The following FANCE variants were observed in gnomAD, a reference collection of about 807,000 sequenced individuals.
FANCE encodes the protein Fanconi anemia group E protein.
Under a neutral mutation model 57.8 loss-of-function variants are expected in FANCE, and 42 were observed. The observed-to-expected ratio is 0.73, with a 90% CI of 0.57 to 0.94. FANCE has a LOEUF of 0.94. Among genes scored for constraint, FANCE ranks in the 40% least tolerant of loss-of-function variants. The pLI, the probability that FANCE is intolerant of heterozygous loss-of-function variation, is 0.00. For synonymous variants in FANCE, 251 were observed against 286.4 expected, an observed-to-expected ratio of 0.88 and a Z score of 1.25; for missense variants, 608 against 661.8, an observed-to-expected ratio of 0.92 and a Z score of 0.89.
intron 9 of FANCE, 84 bp from the exon 10 acceptor site, chr6:35,466,156 CCTCT>C (rs1323310742): frequency 2.0e-5 from 17 of 840,758 alleles, no homozygotes; most frequent in Non-Finnish European, 3.1e-5. Context: ...CTCCTGGCCT[CCTCT>C]CTCCTCAATA....
intron 1 of FANCE, among the ~76,000 whole-genome samples, chr6:35,454,618 A>G (rs1767251433): frequency 1.3e-5 from 2 of 152,186 alleles, no homozygotes; most frequent in Non-Finnish European, 2.9e-5. Flanking sequence ...AGATGGTTAC[A>G]TTGCATCATG....
rs1457521862 is a variant in FANCE at position 35,459,348 on chromosome 6, C to A, written c.1131C>A (p.Ser377=). 2 of 1,613,938 alleles carry A rather than the reference C, an allele frequency of 1.2e-6. No individual in the cohort carries two copies. The highest frequency in any genetic ancestry group is 4.5e-5 in the East Asian group (2 of 44,894). ...LFLGRILSLT[S]SASRLLTTAL... is the part of the protein sequence containing the mutation. ...GGCTGTAGATCCTCTCCTTGACTTC[C>A]TCAGCCTCCCGCCTGCTTACAACTG... Residue 377 remains serine (S), a synonymous_variant, in exon 6 of 10, where the codon TCC becomes TCA. Coordinates refer to ENST00000229769, the MANE Select transcript of FANCE (RefSeq NM_021922.3).
In FANCE at chr6:35,459,433, G is replaced by A; in HGVS notation, c.1216G>A (p.Val406Met). 6.2e-7 allele frequency: 1 copy of A among 1,614,048 alleles called. No homozygotes were observed. Residue 406 changes from valine (V) to methionine (M), a missense_variant, in exon 6 of 10, where the codon GTG becomes ATG. Coordinates refer to ENST00000229769, the MANE Select transcript of FANCE (RefSeq NM_021922.3). The stretch of plus-strand genomic sequence containing the variant: ...TGTCTGCAGCGCCCTCCTTGACCCT[G>A]TGCTCCAGGCCCCAGGCACAGGTAA... ...YPVCSALLDP[V>M]LQAPGTGPAQ...
chr6:35,466,449 T>C lies in FANCE; in HGVS notation c.*104T>C. 1.2e-6 allele frequency: 1 copy of C among 821,156 alleles called. No individual in the cohort carries two copies. The highest frequency in any genetic ancestry group is 2.1e-6 in the Non-Finnish European group (1 of 470,548). The allele number at this position is 821,156 out of a possible 1,614,324, so 50.9% of individuals were successfully genotyped here. A position where few individuals can be genotyped will look rare whatever the true frequency, so the allele number is the denominator to read the frequency against. ...TGAGCCCTAGCCTGAGGATAAAGGC[T>C]GAGCCTGGCCATCCCAGATTGCAAC... On this transcript the variant is annotated 3_prime_UTR_variant, in exon 10 of 10. Transcript: ENST00000229769.
At chr6:35,458,683 AG>A (rs1023985971) in intron 5 of FANCE, among the ~76,000 whole-genome samples, 7 of 149,668 alleles carry the variant, frequency 4.7e-5, no homozygotes, top group Non-Finnish European at 1.0e-4. Context: ...TCTGTTGCCT[AG>A]GCTGGAGTGC....
intron 9 of FANCE, among the ~76,000 whole-genome samples, chr6:35,465,938 A>G (rs2150905173): frequency 6.6e-6 from 1 of 152,346 alleles, no homozygotes; most frequent in Admixed American, 6.5e-5. Context: ...TATATACAGC[A>G]ATGCATATAT....
At chr6:35,458,159 C>T (rs1561791386) in intron 4 of FANCE, 138 bp from the exon 5 acceptor site, 1 of 1,343,556 alleles carries the variant, frequency 7.4e-7, no homozygotes, top group African/African-American at 1.4e-5. Context: ...GTTCCTTCCC[C>T]TAGGGCAGCT....
chr6:35,459,853 A>AGAGAAGGTAAG, intron 7 of FANCE, 93 bp downstream of exon 7: 1 of 1,083,546 alleles, frequency 9.2e-7, no homozygotes, highest in Non-Finnish European at 1.4e-6. Flanking sequence ...GGGAAGGCTT[A>AGAGAAGGTAAG]CCTTCTCTAG....
intron 5 of FANCE, 42 bp downstream of exon 5, chr6:35,458,482 G>A: frequency 6.2e-7 from 1 of 1,611,674 alleles, no homozygotes; most frequent in Non-Finnish European, 8.5e-7. Flanking sequence ...AGGACAATGG[G>A]GAAGAGCAAC....
intron 2 of FANCE, among the ~76,000 whole-genome samples, chr6:35,457,089 T>G (rs1767373659): frequency 6.6e-6 from 1 of 152,138 alleles, no homozygotes; most frequent in South Asian, 2.1e-4. Context: ...GTTTGGGTTC[T>G]TAGGCACTTT....
At chr6:35,460,440 G>T (rs943804055) in intron 7 of FANCE, 112 bp from the exon 8 acceptor site, 3 of 1,054,220 alleles carry the variant, frequency 2.8e-6, no homozygotes, top group Non-Finnish European at 4.4e-6. Context: ...TGTTGGCTGG[G>T]GATCTTGGCT....
chr6:35,466,471 C>A lies in FANCE; in HGVS notation c.*126C>A. The A allele has an allele frequency of 1.4e-6, 1 of 736,526 alleles. No individual in the cohort carries two copies. 45.6% of individuals were successfully genotyped at this position (736,526 alleles called of 1,614,324 possible). On this transcript the variant is annotated 3_prime_UTR_variant, in exon 10 of 10. Coordinates refer to ENST00000229769, the MANE Select transcript of FANCE (RefSeq NM_021922.3). Reference sequence around the variant, plus strand: ...GGCTGAGCCTGGCCATCCCAGATTGCAACTGCCTCCCTGTTACAGGCTGCA... The same window carrying A: ...GGCTGAGCCTGGCCATCCCAGATTGAAACTGCCTCCCTGTTACAGGCTGCA...
intron 9 of FANCE, among the ~76,000 whole-genome samples, chr6:35,464,956 G>A (rs377717679): frequency 1.1e-4 from 16 of 150,420 alleles, no homozygotes; most frequent in African/African-American, 3.4e-4. Context: ...GGATGGTCTC[G>A]ATCTCCTGAC....
At position 35,452,339 on chromosome 6, in the gene FANCE, C is replaced by T. The variant is rs1420096430; in HGVS notation, c.-207C>T. The T allele has an allele frequency of 4.4e-6, 2 of 453,228 alleles. No homozygotes were observed. Among genetic ancestry groups the T allele is most frequent in the African/African-American group, 2.1e-5 (1 of 48,706 alleles). 28.1% of individuals were successfully genotyped at this position (453,228 alleles called of 1,614,324 possible). The stretch of plus-strand genomic sequence containing the variant: ...CTCCGCCCCCGGCCGCGCCTCCCTC[C>T]TTCCCTTTCCGACAGCGCGGGAACG... On this transcript the variant is annotated 5_prime_UTR_variant, in exon 1 of 10. Coordinates refer to ENST00000229769, the MANE Select transcript of FANCE (RefSeq NM_021922.3).
rs201528578 is a variant in FANCE at position 35,457,975 on chromosome 6, T to A, written c.960T>A (p.Ser320Arg). The stretch of plus-strand genomic sequence containing the variant: ...AGCTACAGCTTCTTCACGAATGTAG[T>A]CCCAGCCAGGTGAGTCCAGATGACT... ...PVELQLLHEC[S>R]PSQMDLLCAQ... The change falls in exon 4 of 10, where the codon AGT (serine) becomes AGA (arginine). Residue 320 changes from serine (S) to arginine (R), a missense_variant. Transcript: ENST00000229769. 6.2e-6 allele frequency: 10 copies of A among 1,614,048 alleles called. No individual in the cohort carries two copies. The African/African-American group carries it at 1.3e-4, about 22-fold the overall frequency.
chr6:35,459,640 C>T, intron 6 of FANCE, 42 bp from the exon 7 acceptor site: 3 of 1,599,850 alleles, frequency 1.9e-6, no homozygotes, highest in Non-Finnish European at 1.7e-6. Flanking sequence ...CTGTCTTCTG[C>T]CATTTCCCCC....
chr6:35,467,054 C>A lies in FANCE; in HGVS notation c.*709C>A. Reference sequence around the variant, plus strand: ...ATTATGACCTTCTGTGTTTTTGTTTCTGACTTGAATAATTTATCAATGGTG... The same window carrying A: ...ATTATGACCTTCTGTGTTTTTGTTTATGACTTGAATAATTTATCAATGGTG... On this transcript the variant is annotated 3_prime_UTR_variant, in exon 10 of 10. Coordinates refer to ENST00000229769, the MANE Select transcript of FANCE (RefSeq NM_021922.3). 1 of 213,042 alleles carries A rather than the reference C, an allele frequency of 4.7e-6. No individual in the cohort carries two copies. The allele number at this position is 213,042 out of a possible 1,614,324, so 13.2% of individuals were successfully genotyped here.
chr6:35,466,812 A>G lies in FANCE; in HGVS notation c.*467A>G, dbSNP rs1164745104. The G allele has an allele frequency of 1.0e-5, 3 of 286,750 alleles. No homozygotes were observed. Among genetic ancestry groups the G allele is most frequent in the Non-Finnish European group, 1.3e-5 (2 of 150,288 alleles). The allele number at this position is 286,750 out of a possible 1,614,324, so 17.8% of individuals were successfully genotyped here. ...AAGTGATCTTCCTGCCTTGGCACCC[A>G]AAGTGTTGAGATTTACAGGTGTGAG... On this transcript the variant is annotated 3_prime_UTR_variant, in exon 10 of 10. Transcript: ENST00000229769.
chr6:35,459,885 C>G (rs1767516017), intron 7 of FANCE, 125 bp downstream of exon 7: 2 of 786,494 alleles, frequency 2.5e-6, no homozygotes, highest in South Asian at 1.4e-5. Context: ...TGTATCATCT[C>G]ACTCCATCCT....
Sources: gnomAD v4.1 joint callset for allele counts (sites outside exome capture counted in the v4.1 genomes callset) on GRCh38, gnomAD v4.1.1 for gene constraint, MANE v1.5 for transcripts, NCBI Gene and HGNC (gene_info 2026-07-23, HGNC 2026-07-21) for gene names.